Variants in RBFOX1 observed in about 807,000 individuals in gnomAD.
RBFOX1 encodes RNA binding protein fox-1 homolog 1.
Under a neutral mutation model 57.7 loss-of-function variants are expected in RBFOX1, and 8 were observed. The ratio of observed to expected loss-of-function variants is 0.14; its 90% CI spans 0.08 to 0.25. The LOEUF is 0.25. Ranked by LOEUF, RBFOX1 falls within the 10% of genes least tolerant of loss-of-function variation. RBFOX1 has a pLI of 1.00. For missense variants in RBFOX1, 611 were observed against 548.5 expected (o/e 1.11, Z -1.14); for synonymous variants, 326 against 222.4 (o/e 1.47, Z -4.15).
chr16:7,618,168 G>A (rs2058759058), intron 10 of RBFOX1, among the ~76,000 whole-genome samples: 1 of 152,082 alleles, frequency 6.6e-6, no homozygotes, highest in Non-Finnish European at 1.5e-5. Context: ...TTTACATAAT[G>A]AAATCTGAAT....
At chr16:6,271,512 C>T (rs920353506) in intron 1 of RBFOX1, among the ~76,000 whole-genome samples, 14 of 152,130 alleles carry the variant, frequency 9.2e-5, no homozygotes, top group Admixed American at 2.0e-4. Context: ...AGAGGAAAAT[C>T]AGTACAAAGA....
chr16:7,139,178 G>C (rs28678577), intron 4 of RBFOX1, among the ~76,000 whole-genome samples: 1,085 of 38,792 alleles, frequency 0.028, 12 homozygotes, highest in African/African-American at 0.055. Flanking sequence ...ATCTCTCTCT[G>C]TGTGTGTGTG....
At chr16:7,442,643 C>T (rs927960529) in intron 4 of RBFOX1, among the ~76,000 whole-genome samples, 2 of 152,050 alleles carry the variant, frequency 1.3e-5, no homozygotes, top group Admixed American at 6.5e-5. Context: ...ATAGGATTTG[C>T]ACTGGTTTTA....
intron 3 of RBFOX1, among the ~76,000 whole-genome samples, chr16:6,964,895 C>T (rs982100130): frequency 1.3e-5 from 2 of 152,170 alleles, no homozygotes; most frequent in African/African-American, 4.8e-5. Flanking sequence ...TTAACCTCCT[C>T]CCTGACTTAA....
chr16:6,631,154 C>G (rs549694257), intron 2 of RBFOX1, among the ~76,000 whole-genome samples: 1 of 151,810 alleles, frequency 6.6e-6, no homozygotes, highest in African/African-American at 2.4e-5. Context: ...TTTAGAAGGT[C>G]AAAGGCAGAG....
intron 2 of RBFOX1, among the ~76,000 whole-genome samples, chr16:5,568,801 C>T (rs575664120): frequency 1.3e-5 from 2 of 152,100 alleles, no homozygotes; most frequent in African/African-American, 4.8e-5. Flanking sequence ...CTCCTCCCAC[C>T]AAATGACTCA....
At position 5,657,268 on chromosome 16, in the gene RBFOX1, A is replaced by G. The variant is rs542533257; in HGVS notation, c.318+58307A>G. On this transcript the variant is annotated intron_variant, in intron 3 of 19. Coordinates refer to the RBFOX1 transcript ENST00000641259. ...TCTTAGAACCATGATTTCCTGACAA[A>G]TTCACATTAACAGCCCTAATAATAG... 1.4e-3 allele frequency among the ~76,000 whole-genome samples: 212 copies of G among 152,322 alleles called. 3 individuals are homozygous for G. The highest frequency in any genetic ancestry group is 4.9e-3 in the African/African-American group (204 of 41,568).
At chr16:6,083,014 G>GTTT (rs34358141) in intron 1 of RBFOX1, among the ~76,000 whole-genome samples, 3 of 151,054 alleles carry the variant, frequency 2.0e-5, no homozygotes, top group South Asian at 2.1e-4. Context: ...TTGTTTGTTT[G>GTTT]TTTTTTAGAT....
At chr16:7,460,147 T>C (rs2059265311) in intron 4 of RBFOX1, among the ~76,000 whole-genome samples, 1 of 151,820 alleles carries the variant, frequency 6.6e-6, no homozygotes, top group Non-Finnish European at 1.5e-5. Context: ...CTAGTCTGAT[T>C]GTATTTGCTT....
chr16:6,844,287 G>T (rs2093644483), intron 3 of RBFOX1, among the ~76,000 whole-genome samples: 1 of 152,022 alleles, frequency 6.6e-6, no homozygotes, highest in African/African-American at 2.4e-5. Flanking sequence ...TTGCTGCACA[G>T]GTCATCCCAT....
intron 1 of RBFOX1, among the ~76,000 whole-genome samples, chr16:6,084,898 G>T (rs925610413): frequency 3.3e-5 from 5 of 152,152 alleles, no homozygotes; most frequent in African/African-American, 1.2e-4. Context: ...CCAGATAAGT[G>T]CTCTGAGATG....
chr16:6,293,412 C>G (rs543055190), intron 1 of RBFOX1, among the ~76,000 whole-genome samples: 190 of 150,850 alleles, frequency 1.3e-3, no homozygotes, highest in African/African-American at 4.5e-3. Flanking sequence ...TCCTATCGCT[C>G]TGCCCGGGCT....
chr16:5,384,875 G>A (rs2066218299), intron 1 of RBFOX1, among the ~76,000 whole-genome samples: 1 of 152,124 alleles, frequency 6.6e-6, no homozygotes, highest in African/African-American at 2.4e-5. Context: ...TCATCAGGTG[G>A]TCGTGAGGAT....
At chr16:7,215,647 T>G (rs2152813464) in intron 4 of RBFOX1, among the ~76,000 whole-genome samples, 2 of 152,154 alleles carry the variant, frequency 1.3e-5, no homozygotes, top group Admixed American at 1.3e-4. Flanking sequence ...TCGGGCAGAT[T>G]AGCATTTCTT....
chr16:7,209,686 G>C (rs1173559517), intron 4 of RBFOX1, among the ~76,000 whole-genome samples: 2 of 152,150 alleles, frequency 1.3e-5, no homozygotes, highest in Non-Finnish European at 2.9e-5. Flanking sequence ...TCCGTATTTG[G>C]TTTGCTGGTT....
At chr16:7,347,832 G>A (rs1018875408) in intron 4 of RBFOX1, among the ~76,000 whole-genome samples, 3 of 152,212 alleles carry the variant, frequency 2.0e-5, no homozygotes, top group African/African-American at 4.8e-5. Context: ...GAAAGCAGGA[G>A]TAGGATGTAG....
intron 3 of RBFOX1, among the ~76,000 whole-genome samples, chr16:6,861,411 T>C (rs1334057180): frequency 6.6e-6 from 1 of 152,078 alleles, no homozygotes; most frequent in Non-Finnish European, 1.5e-5. Context: ...TTCCCTAATG[T>C]CTTTGATCAA....
intron 3 of RBFOX1, among the ~76,000 whole-genome samples, chr16:5,825,601 A>T (rs950671856): frequency 6.6e-6 from 1 of 152,232 alleles, no homozygotes; most frequent in African/African-American, 2.4e-5. Flanking sequence ...GAACCAATTT[A>T]AAGTGTACAA....
chr16:5,848,400 G>T (rs1302451969), intron 3 of RBFOX1, among the ~76,000 whole-genome samples: 1 of 152,166 alleles, frequency 6.6e-6, no homozygotes. Context: ...GTTAACAGGG[G>T]TTCAGCACAA....
Sources: allele counts gnomAD v4.1 joint callset (sites outside exome capture counted in the v4.1 genomes callset), GRCh38; gene constraint gnomAD v4.1.1; transcripts MANE v1.5; gene names NCBI Gene and HGNC (gene_info 2026-07-23, HGNC 2026-07-21).